OPCML: variants seen among roughly 807,000 people sequenced by gnomAD.
OPCML encodes the protein opioid-binding protein/cell adhesion molecule.
In OPCML, 13 loss-of-function variants were observed where a neutral mutation model predicts 37.8. The observed-to-expected ratio is 0.34, with a 90% CI of 0.22 to 0.55. OPCML has a LOEUF of 0.55. OPCML is among the 20% of genes least tolerant of loss of function. The probability of loss-of-function intolerance (pLI) is 0.91; values close to 1 mark genes in which losing one functional copy is unlikely to be tolerated. For missense variants in OPCML, 341 were observed against 435.6 expected, an observed-to-expected ratio of 0.78 and a Z score of 1.93; for synonymous variants, 176 against 168.8, an observed-to-expected ratio of 1.04 and a Z score of -0.33.
At chr11:132,880,442 C>T (rs137955179) in intron 2 of OPCML, among the ~76,000 whole-genome samples, 2 of 152,156 alleles carry the variant, frequency 1.3e-5, no homozygotes, top group African/African-American at 4.8e-5. Context: ...ACTCAGGGCT[C>T]AAAAATGTCT....
rs759954773 is a variant in OPCML, at chr11:133,458,450, ATATATACACATATATACACGTGTGTG to A, written c.61+73788_61+73813del. ...TACACATATATACACGTGTGTGTAT[ATATATACACATATATACACGTGTGTG>A]TATATACACATATATACACGTGTGT... is the stretch of plus-strand genomic sequence containing the variant. On this transcript the variant is annotated intron_variant, in intron 1 of 7. Transcript: ENST00000524381. Among the ~76,000 whole-genome samples, 5 of 89,368 alleles carry A rather than the reference ATATATACACATATATACACGTGTGTG, an allele frequency of 5.6e-5. 2 individuals are homozygous for A. The highest frequency in any genetic ancestry group is 3.0e-4 in the African/African-American group (3 of 9,934). The allele number at this position is 89,368 out of a possible 152,430, so 58.6% of individuals were successfully genotyped here. A position where few individuals can be genotyped will look rare whatever the true frequency, so the allele number is the denominator to read the frequency against.
chr11:132,520,674 A>ATATATATGTGTGTGTG (rs10630619), intron 4 of OPCML, among the ~76,000 whole-genome samples: 4,348 of 127,980 alleles, frequency 0.034, 129 homozygotes, highest in East Asian at 0.18. Context: ...CTAAATATAT[A>ATATATATGTGTGTGTG]TGTGTGTGTG....
intron 1 of OPCML, among the ~76,000 whole-genome samples, chr11:133,073,105 G>T (rs1477830818): frequency 6.6e-6 from 1 of 152,212 alleles, no homozygotes; most frequent in Non-Finnish European, 1.5e-5. Context: ...ATACACCTCA[G>T]AATTACCTGC....
chr11:133,294,815 C>CTGTTTTT (rs1942583547), intron 1 of OPCML, among the ~76,000 whole-genome samples: 1 of 56,554 alleles, frequency 1.8e-5, no homozygotes, highest in Admixed American at 1.8e-4. Flanking sequence ...TTCTTTCTTT[C>CTGTTTTT]TTTTTTTTTT....
intron 3 of OPCML, among the ~76,000 whole-genome samples, chr11:132,648,084 G>A (rs1166857062): frequency 6.6e-6 from 1 of 152,228 alleles, no homozygotes; most frequent in Non-Finnish European, 1.5e-5. Flanking sequence ...CACCTGCTAT[G>A]TGTAGAAAGA....
At chr11:133,376,970 G>A (rs1944817677) in intron 1 of OPCML, among the ~76,000 whole-genome samples, 1 of 152,164 alleles carries the variant, frequency 6.6e-6, no homozygotes, top group Admixed American at 6.5e-5. Context: ...AAGAAGGAAG[G>A]GAGGGAGGGA....
intron 1 of OPCML, among the ~76,000 whole-genome samples, chr11:133,425,190 C>T (rs1945976942): frequency 6.6e-6 from 1 of 152,190 alleles, no homozygotes; most frequent in Non-Finnish European, 1.5e-5. Flanking sequence ...ACAACTTTGG[C>T]CCAGTCCCAG....
chr11:133,286,387 G>A (rs890441980), intron 1 of OPCML, among the ~76,000 whole-genome samples: 34 of 149,034 alleles, frequency 2.3e-4, no homozygotes, highest in African/African-American at 7.0e-4. Context: ...GGAGAATGGC[G>A]TGAACCCGGG....
intron 1 of OPCML, among the ~76,000 whole-genome samples, chr11:133,353,138 C>T (rs1944179375): frequency 6.6e-6 from 1 of 152,178 alleles, no homozygotes; most frequent in Non-Finnish European, 1.5e-5. Context: ...AAGCATCCTT[C>T]CTTTGCCCTG....
At chr11:132,712,646 C>G (rs1431238749) in intron 2 of OPCML, among the ~76,000 whole-genome samples, 1 of 152,220 alleles carries the variant, frequency 6.6e-6, no homozygotes, top group Non-Finnish European at 1.5e-5. Context: ...AGGTTCATCA[C>G]GTTTCATTCG....
intron 1 of OPCML, among the ~76,000 whole-genome samples, chr11:133,047,410 T>A (rs1333192890): frequency 6.6e-6 from 1 of 152,248 alleles, no homozygotes; most frequent in East Asian, 1.9e-4. Flanking sequence ...ATATGTTTCC[T>A]TGATTCGGTT....
chr11:133,402,073 T>C (rs1398860513), intron 1 of OPCML, among the ~76,000 whole-genome samples: 2 of 152,314 alleles, frequency 1.3e-5, no homozygotes, highest in African/African-American at 4.8e-5. Context: ...TGCAACAGAA[T>C]ATCTGGGGCT....
At chr11:132,562,788 A>G (rs771270779) in intron 3 of OPCML, among the ~76,000 whole-genome samples, 2 of 152,088 alleles carry the variant, frequency 1.3e-5, no homozygotes, top group Non-Finnish European at 2.9e-5. Flanking sequence ...ATTTCATCAT[A>G]GGGCTAATAA....
chr11:132,528,919 G>A (rs1482117471), intron 4 of OPCML, 142 bp downstream of exon 4: 3 of 530,968 alleles, frequency 5.7e-6, no homozygotes, highest in Non-Finnish European at 1.0e-5. Flanking sequence ...AAATGAAATA[G>A]CCAGCAATTG....
chr11:133,128,671 G>A (rs79569443), intron 1 of OPCML, among the ~76,000 whole-genome samples: 4,479 of 152,246 alleles, frequency 0.029, 180 homozygotes, highest in African/African-American at 0.091. Flanking sequence ...GGAGCTCTTT[G>A]TCTACTGACT....
At chr11:133,362,684 A>C (rs1944450831) in intron 1 of OPCML, among the ~76,000 whole-genome samples, 1 of 152,094 alleles carries the variant, frequency 6.6e-6, no homozygotes, top group Non-Finnish European at 1.5e-5. Context: ...TATTAGTCAC[A>C]CATGTTAACC....
intron 3 of OPCML, among the ~76,000 whole-genome samples, chr11:132,575,244 G>A (rs1053467542): frequency 1.3e-5 from 2 of 152,002 alleles, no homozygotes; most frequent in African/African-American, 4.8e-5. Context: ...TTTTGATTAA[G>A]CTAAGTATTG....
In OPCML at chr11:132,657,152, G is replaced by A. The variant is rs566180470; in HGVS notation, c.314C>T (p.Pro105Leu). 9 of 1,614,220 alleles carry A rather than the reference G, an allele frequency of 5.6e-6. No individual in the cohort carries two copies. Among genetic ancestry groups the A allele is most frequent in the South Asian group, 5.5e-5 (5 of 91,084 alleles). ...GTCTGTCTGCACAGAGCAGGTGTAC[G>A]GACCTTCGTCATACACATCCACATT... Reference protein sequence around the residue: ...IQNVDVYDEGPYTCSVQTDNH... With the variant: ...IQNVDVYDEGLYTCSVQTDNH... Residue 105 changes from proline (P) to leucine (L), a missense_variant, in exon 3 of 8, where the codon CCG (proline) becomes CTG (leucine). Transcript: ENST00000524381.
chr11:132,558,800 G>T (rs1382825035), intron 3 of OPCML, among the ~76,000 whole-genome samples: 1 of 151,888 alleles, frequency 6.6e-6, no homozygotes, highest in Non-Finnish European at 1.5e-5. Flanking sequence ...TCTTTACCCT[G>T]ATTCTGTTGA....
Sources: allele counts gnomAD v4.1 joint callset (sites outside exome capture counted in the v4.1 genomes callset), GRCh38; gene constraint gnomAD v4.1.1; transcripts MANE v1.5; gene names NCBI Gene and HGNC (gene_info 2026-07-23, HGNC 2026-07-21).